Variants in GRIN2B observed in about 807,000 individuals in gnomAD.
GRIN2B encodes glutamate receptor ionotropic, NMDA 2B.
In GRIN2B, 5 loss-of-function variants were observed where a neutral mutation model predicts 114.5. That is an observed-to-expected ratio of 0.04 (90% confidence interval 0.02 to 0.09). The LOEUF is 0.09. Among genes scored for constraint, GRIN2B ranks in the 10% least tolerant of loss-of-function variants. The pLI is 1.00. For missense variants in GRIN2B, 1,108 were observed against 1,943.5 expected (o/e 0.57, Z 8.08); for synonymous variants, 787 against 745.1 (o/e 1.06, Z -0.92).
intron 2 of GRIN2B, among the ~76,000 whole-genome samples, chr12:13,914,490 G>C (rs1224352859): frequency 6.6e-6 from 1 of 152,134 alleles, no homozygotes; most frequent in Non-Finnish European, 1.5e-5. Context: ...AATCAATACA[G>C]TCACTATGGA....
chr12:13,953,708 GC>G (rs1186994171), intron 2 of GRIN2B, among the ~76,000 whole-genome samples: 1 of 152,096 alleles, frequency 6.6e-6, no homozygotes, highest in African/African-American at 2.4e-5. Context: ...CTGCCAGGCA[GC>G]CACCACTTGT....
At chr12:13,932,952 CGTGT>C (rs5796568) in intron 2 of GRIN2B, among the ~76,000 whole-genome samples, 38,926 of 148,662 alleles carry the variant, frequency 0.26, 5,167 homozygotes, top group Non-Finnish European at 0.27. Context: ...AGGGCTTTGT[CGTGT>C]GTGTGTGTGT....
chr12:13,980,402 C>T (rs34179266), intron 1 of GRIN2B, 46 bp from the exon 2 acceptor site: 1 of 152,030 alleles, frequency 6.6e-6, no homozygotes, highest in Non-Finnish European at 1.5e-5. Flanking sequence ...GCGTGTCCCC[C>T]GGAGGGTGAG....
chr12:13,910,428 T>C (rs1179141122), intron 2 of GRIN2B, among the ~76,000 whole-genome samples: 1 of 152,218 alleles, frequency 6.6e-6, no homozygotes, highest in Non-Finnish European at 1.5e-5. Context: ...GACAAGATTA[T>C]GCTAGCAATA....
chr12:13,818,314 A>G (rs1236882376), intron 3 of GRIN2B, among the ~76,000 whole-genome samples: 1 of 151,998 alleles, frequency 6.6e-6, no homozygotes, highest in Non-Finnish European at 1.5e-5. Flanking sequence ...GGCCATTCCA[A>G]GAAGAAGTCA....
rs150178592 is a variant in GRIN2B, at chr12:13,743,372, A to C, written c.1010+9945T>G. ...AGTCTCCATGTGAACACATGTGAGC[A>C]CGTGTGACAGAAGTGAGGACAATGA... On this transcript the variant is annotated intron_variant, in intron 4 of 13. Transcript: ENST00000609686. Among the ~76,000 whole-genome samples, 53 of 152,310 alleles carry C rather than the reference A, an allele frequency of 3.5e-4. 1 individual carries two copies. Among genetic ancestry groups the C allele is most frequent in the African/African-American group, 1.1e-3 (47 of 41,570 alleles).
intron 3 of GRIN2B, among the ~76,000 whole-genome samples, chr12:13,766,602 A>G (rs1295801179): frequency 6.6e-6 from 1 of 152,206 alleles, no homozygotes; most frequent in Non-Finnish European, 1.5e-5. Context: ...TAAATGAATT[A>G]TACATATCTT....
chr12:13,681,011 T>C (rs1279500151), intron 4 of GRIN2B, among the ~76,000 whole-genome samples: 1 of 152,074 alleles, frequency 6.6e-6, no homozygotes, highest in East Asian at 1.9e-4. Context: ...AAAGAGCCCT[T>C]CTGCCTCTCT....
chr12:13,764,749 C>T (rs914307250), intron 3 of GRIN2B, among the ~76,000 whole-genome samples: 3 of 152,186 alleles, frequency 2.0e-5, no homozygotes, highest in Non-Finnish European at 2.9e-5. Flanking sequence ...GCATTTCACC[C>T]GGATACTTTT....
intron 3 of GRIN2B, among the ~76,000 whole-genome samples, chr12:13,824,809 T>G (rs1290987184): frequency 6.8e-6 from 1 of 146,216 alleles, no homozygotes; most frequent in Non-Finnish European, 1.5e-5. Context: ...TGAGCCGAGA[T>G]TGTGCCACTG....
chr12:13,651,446 T>C (rs1242767785), intron 5 of GRIN2B, among the ~76,000 whole-genome samples: 1 of 152,010 alleles, frequency 6.6e-6, no homozygotes, highest in Non-Finnish European at 1.5e-5. Flanking sequence ...GAAAGAAAAA[T>C]ATCTCAGTGT....
chr12:13,962,134 G>A (rs1867705234), intron 2 of GRIN2B, among the ~76,000 whole-genome samples: 1 of 111,498 alleles, frequency 9.0e-6, no homozygotes, highest in Non-Finnish European at 2.3e-5. Context: ...GCACGAAGCT[G>A]GCTCTTCCAC....
chr12:13,639,469 CTCAACGT>C lies in GRIN2B; in HGVS notation c.1126-22819_1126-22813del, dbSNP rs552235182. The stretch of plus-strand genomic sequence containing the variant: ...CCCGAAGACCATTAATAGGTCACTT[CTCAACGT>C]TCAATGTCCCATCTCCTTTTACGTT... On this transcript the variant is annotated intron_variant, in intron 5 of 13. Coordinates refer to ENST00000609686, the MANE Select transcript of GRIN2B (RefSeq NM_000834.5). 3.3e-5 allele frequency among the ~76,000 whole-genome samples: 5 copies of C among 152,276 alleles called. No individual in the cohort carries two copies. In the East Asian group the frequency reaches 9.7e-4, roughly 29 times the overall value.
intron 5 of GRIN2B, among the ~76,000 whole-genome samples, chr12:13,674,679 C>T (rs543529919): frequency 1.3e-5 from 2 of 152,278 alleles, no homozygotes; most frequent in African/African-American, 2.4e-5. Flanking sequence ...GAAGCCCATT[C>T]TCAGCCAATT....
intron 2 of GRIN2B, among the ~76,000 whole-genome samples, chr12:13,871,568 G>A (rs1177379329): frequency 6.6e-6 from 1 of 151,668 alleles, no homozygotes; most frequent in African/African-American, 2.4e-5. Flanking sequence ...AATAAAATAT[G>A]ATTAATTATA....
Position 13,560,793 on chromosome 12 carries a change from T to G in GRIN2B, c.*1990A>C, listed in dbSNP as rs1948533114. 3 of 151,984 alleles carry G rather than the reference T, an allele frequency of 2.0e-5. No homozygotes were observed. Among genetic ancestry groups the G allele is most frequent in the Admixed American group, 1.3e-4 (2 of 15,244 alleles). The allele number at this position is 151,984 out of a possible 1,614,324, so 9.4% of individuals were successfully genotyped here. On this transcript the variant is annotated 3_prime_UTR_variant, in exon 14 of 14. Transcript: ENST00000609686. ...GGCTTTAAAATGAAAGATACTGAGG[T>G]AAAAATCAAGGAGGAGGGTTGGGGA...
intron 5 of GRIN2B, chr12:13,634,248 T>C (rs997048729): frequency 6.6e-6 from 1 of 152,196 alleles, no homozygotes; most frequent in Non-Finnish European, 1.5e-5. Flanking sequence ...GAGCTTGTAA[T>C]GAAACTGAGG....
At chr12:13,978,805 T>C (rs1010790439) in intron 2 of GRIN2B, among the ~76,000 whole-genome samples, 3 of 152,212 alleles carry the variant, frequency 2.0e-5, no homozygotes, top group Non-Finnish European at 2.9e-5. Flanking sequence ...GATCTGATTC[T>C]CTCAAGAGTT....
intron 3 of GRIN2B, among the ~76,000 whole-genome samples, chr12:13,766,154 A>T (rs1435193506): frequency 6.6e-6 from 1 of 152,248 alleles, no homozygotes; most frequent in Non-Finnish European, 1.5e-5. Flanking sequence ...AATCAATCAC[A>T]TATTTATTAA....
Sources: allele counts gnomAD v4.1 joint callset (sites outside exome capture counted in the v4.1 genomes callset), GRCh38; gene constraint gnomAD v4.1.1; transcripts MANE v1.5; gene names NCBI Gene and HGNC (gene_info 2026-07-23, HGNC 2026-07-21).